The following ICAM1 variants were observed in gnomAD, a reference collection of about 807,000 sequenced individuals.
The protein encoded by ICAM1 is ICAM-1.
A neutral mutation model predicts 42.3 loss-of-function variants in ICAM1; 28 were observed. That is an observed-to-expected ratio of 0.66 (90% CI 0.49 to 0.91). The LOEUF (loss-of-function observed/expected upper bound fraction) is 0.91, where lower values mean the gene tolerates loss of function less well. ICAM1 is among the 40% of genes least tolerant of loss of function. The probability of loss-of-function intolerance (pLI) is 0.00; values close to 1 mark genes in which losing one functional copy is unlikely to be tolerated. For synonymous variants in ICAM1, 304 were observed against 305.9 expected (o/e 0.99, Z 0.07); for missense variants, 637 against 688.6 (o/e 0.93, Z 0.84).
chr19:10,279,958 G>A (rs1003499699), intron 2 of ICAM1, among the ~76,000 whole-genome samples: 6 of 152,154 alleles, frequency 3.9e-5, no homozygotes, highest in Admixed American at 3.3e-4. Context: ...CCTTCTTGGG[G>A]TGATAGGGAG....
Position 10,283,663 on chromosome 19 carries a change from A to T in ICAM1, c.514A>T (p.Thr172Ser). ...AVGEPAEVTT[T>S]VLVRRDHHGA... ...GGGGGAGCCCGCTGAGGTCACGACC[A>T]CGGTGCTGGTGAGGAGAGATCACCA... Residue 172 changes from threonine (T) to serine (S), a missense_variant, in exon 3 of 7, where the codon ACG becomes TCG. Transcript: ENST00000264832. 6.2e-7 allele frequency: 1 copy of T among 1,614,010 alleles called. No individual in the cohort carries two copies. Among genetic ancestry groups the T allele is most frequent in the Non-Finnish European group, 8.5e-7 (1 of 1,179,950 alleles).
chr19:10,277,208 T>G (rs1479663422), intron 2 of ICAM1, among the ~76,000 whole-genome samples: 1 of 152,060 alleles, frequency 6.6e-6, no homozygotes, highest in Non-Finnish European at 1.5e-5. Flanking sequence ...GAGACAGAGT[T>G]TCACTCTTGT....
chr19:10,274,613 C>T (rs903721054), intron 1 of ICAM1, 152 bp from the exon 2 acceptor site: 2 of 857,102 alleles, frequency 2.3e-6, no homozygotes, highest in African/African-American at 1.7e-5. Flanking sequence ...CCACACCCGG[C>T]CTGCTCATGA....
chr19:10,276,283 C>T lies in ICAM1; in HGVS notation c.331+1255C>T, dbSNP rs546433615. Reference sequence around the variant, plus strand: ...ATTGATGGCCGGGCGCAGTGGCTCACGCCTGTAATCCCAGCACTTTGGGAG... The same window carrying T: ...ATTGATGGCCGGGCGCAGTGGCTCATGCCTGTAATCCCAGCACTTTGGGAG... On this transcript the variant is annotated intron_variant, in intron 2 of 6. Coordinates refer to ENST00000264832, the MANE Select transcript of ICAM1 (RefSeq NM_000201.3). Among the ~76,000 whole-genome samples the T allele has an allele frequency of 1.7e-4, 26 of 151,902 alleles. No individual in the cohort carries two copies. The South Asian group carries it at 2.3e-3, about 13-fold the overall frequency.
intron 2 of ICAM1, among the ~76,000 whole-genome samples, chr19:10,277,694 G>A (rs774150270): frequency 4.0e-5 from 6 of 151,368 alleles, no homozygotes; most frequent in Non-Finnish European, 8.8e-5. Context: ...CATCATGTTG[G>A]CCAGGCTGGT....
intron 3 of ICAM1, 44 bp downstream of exon 3, chr19:10,283,830 A>G: frequency 6.5e-7 from 1 of 1,541,388 alleles, no homozygotes; most frequent in Non-Finnish European, 8.8e-7. Context: ...GGGGTGGGGT[A>G]TCCTGCAATG....
chr19:10,281,440 G>A (rs5030371), intron 2 of ICAM1, among the ~76,000 whole-genome samples: 150 of 152,056 alleles, frequency 9.9e-4, no homozygotes, highest in African/African-American at 3.3e-3. Flanking sequence ...CTTGAGATAC[G>A]ATTTAGAATA....
In ICAM1 at chr19:10,284,258, T is replaced by TGACG. The variant is rs755973846; in HGVS notation, c.864_867dup (p.Cys290AspfsTer45). The TGACG allele has an allele frequency of 6.2e-7, 1 of 1,613,892 alleles. No individual in the cohort carries two copies. Among genetic ancestry groups the TGACG allele is most frequent in the Non-Finnish European group, 8.5e-7 (1 of 1,180,004 alleles). On this transcript the variant is annotated frameshift_variant, in exon 4 of 7. Transcript: ENST00000264832. LOFTEE classifies it high-confidence loss of function. This position sits in a 1 kb window ranked among gnomAD's most constrained non-coding sequence, Gnocchi z 5.4. ...GCAGAGGACGAGGGCACCCAGCGGC[T>TGACG]GACGTGTGCAGTAATACTGGGGAAC...
chr19:10,272,757 C>T (rs1170305474), intron 1 of ICAM1, among the ~76,000 whole-genome samples: 1 of 151,670 alleles, frequency 6.6e-6, no homozygotes, highest in Admixed American at 6.6e-5. Flanking sequence ...AGGATGGTCT[C>T]GATTTCCTGA....
intron 1 of ICAM1, among the ~76,000 whole-genome samples, chr19:10,273,988 T>G (rs1009413020): frequency 4.6e-5 from 7 of 151,232 alleles, no homozygotes; most frequent in Non-Finnish European, 1.0e-4. Context: ...CACTCCAGTC[T>G]GAGTGACAAA....
At chr19:10,278,571 TC>T (rs67635441) in intron 2 of ICAM1, among the ~76,000 whole-genome samples, 16,855 of 80,588 alleles carry the variant, frequency 0.21, 6,698 homozygotes, top group Non-Finnish European at 0.29. Context: ...TTTTTTTTTT[TC>T]TTTTTTTTGA....
chr19:10,278,714 GT>G (rs2040034573), intron 2 of ICAM1, among the ~76,000 whole-genome samples: 2 of 151,924 alleles, frequency 1.3e-5, no homozygotes, highest in East Asian at 3.9e-4. Context: ...GCTAATTTTT[GT>G]ATTTTTAGTA....
intron 2 of ICAM1, among the ~76,000 whole-genome samples, chr19:10,280,668 C>T (rs551376717): frequency 4.6e-5 from 7 of 152,022 alleles, no homozygotes; most frequent in Admixed American, 2.6e-4. Flanking sequence ...CCCCCAGGAT[C>T]AAGCTATTCT....
chr19:10,284,670 G>C lies in ICAM1; in HGVS notation c.1180+13G>C, dbSNP rs2040089133. 6.2e-7 allele frequency: 1 copy of C among 1,613,428 alleles called. No homozygotes were observed. Among genetic ancestry groups the C allele is most frequent in the Admixed American group, 1.7e-5 (1 of 59,920 alleles). ...CTTCGTGTCCTGTGTGAGTGGGGCT[G>C]CTGGTCAATGGCCCCTATCCCCCAA... On this transcript the variant is annotated intron_variant, in intron 5 of 6. Transcript: ENST00000264832. The surrounding 1 kb of genome is among the most constrained non-coding windows in gnomAD (Gnocchi z 5.4).
intron 2 of ICAM1, among the ~76,000 whole-genome samples, chr19:10,275,731 G>A (rs374933706): frequency 3.3e-4 from 46 of 139,504 alleles, no homozygotes; most frequent in African/African-American, 1.1e-3. Context: ...TTTTTGAGAC[G>A]GAGTCTCACT....
At position 10,285,153 on chromosome 19, in the gene ICAM1, G is replaced by A. The variant is rs1472736379; in HGVS notation, c.1465G>A (p.Ala489Thr). The A allele has an allele frequency of 6.2e-7, 1 of 1,614,064 alleles. No individual in the cohort carries two copies. The highest frequency in any genetic ancestry group is 1.7e-5 in the Admixed American group (1 of 60,002). ...YEIVIITVVA[A>T]AVIMGTAGLS... is the part of the protein sequence containing the mutation. ...GATTGTCATCATCACTGTGGTAGCA[G>A]CCGCAGTCATAATGGGCACTGCAGG... Residue 489 changes from alanine (A) to threonine (T), a missense_variant, in exon 7 of 7, where the codon GCC (alanine) becomes ACC (threonine). Transcript: ENST00000264832.
intron 6 of ICAM1, 28 bp downstream of exon 6, chr19:10,285,056 T>TGGGGGCA (rs773937031): frequency 6.2e-6 from 10 of 1,613,034 alleles, no homozygotes; most frequent in African/African-American, 4.0e-5. Context: ...CAGAGCTGGG[T>TGGGGGCA]GGGGGCAGGG....
chr19:10,283,161 G>A (rs1002951379), intron 2 of ICAM1: 2 of 231,028 alleles, frequency 8.7e-6, no homozygotes, highest in Non-Finnish European at 1.7e-5. Context: ...CCAAGATCGA[G>A]CCACTGTTTG....
chr19:10,284,264 G>A lies in ICAM1; in HGVS notation c.869G>A (p.Cys290Tyr). Residue 290 changes from cysteine (C) to tyrosine (Y), a missense_variant, in exon 4 of 7, where the codon TGT becomes TAT. Coordinates refer to ENST00000264832, the MANE Select transcript of ICAM1 (RefSeq NM_000201.3). This position sits in a 1 kb window ranked among gnomAD's most constrained non-coding sequence, Gnocchi z 5.4. ...GACGAGGGCACCCAGCGGCTGACGTGTGCAGTAATACTGGGGAACCAGAGC... is the reference window on the plus strand; with the variant it reads ...GACGAGGGCACCCAGCGGCTGACGTATGCAGTAATACTGGGGAACCAGAGC... ...AEDEGTQRLT[C>Y]AVILGNQSQE... 3 of 1,613,948 alleles carry A rather than the reference G, an allele frequency of 1.9e-6. No homozygotes were observed. The highest frequency in any genetic ancestry group is 2.5e-6 in the Non-Finnish European group (3 of 1,180,028).
Sources: allele counts gnomAD v4.1 joint callset (sites outside exome capture counted in the v4.1 genomes callset), GRCh38; gene constraint gnomAD v4.1.1; non-coding constraint Gnocchi (gnomAD v3.1); transcripts MANE v1.5; gene names NCBI Gene and HGNC (gene_info 2026-07-23, HGNC 2026-07-21).